Variants in BMPR1B observed in about 807,000 individuals in gnomAD.
The protein encoded by BMPR1B is bone morphogenetic protein receptor type 1B, also known as bone morphogenetic protein receptor type-1B.
In BMPR1B, 12 loss-of-function variants were observed where a neutral mutation model predicts 59.1. The ratio of observed to expected loss-of-function variants is 0.20; its 90% confidence interval spans 0.13 to 0.33. The LOEUF (loss-of-function observed/expected upper bound fraction) is 0.33. Ranked by LOEUF, BMPR1B falls within the 10% of genes least tolerant of loss-of-function variation. The pLI, the probability that BMPR1B is intolerant of heterozygous loss-of-function variation, is 1.00. For missense variants in BMPR1B, 550 were observed against 610.9 expected (o/e 0.90, Z 1.05); for synonymous variants, 237 against 207.3 (o/e 1.14, Z -1.23).
At chr4:95,037,494 A>G (rs891386016) in intron 3 of BMPR1B, among the ~76,000 whole-genome samples, 2 of 152,194 alleles carry the variant, frequency 1.3e-5, no homozygotes, top group Admixed American at 1.3e-4. Context: ...ATAGTCCCTC[A>G]TCATGAAAAC....
chr4:94,970,239 T>TTCTTCTCTTCTCTTCTCTTCTCTTC lies in BMPR1B; in HGVS notation c.-112-25759_-112-25735dup, dbSNP rs10591546. Among the ~76,000 whole-genome samples, 101 of 127,430 alleles carry TTCTTCTCTTCTCTTCTCTTCTCTTC rather than the reference T, an allele frequency of 7.9e-4. 1 individual carries two copies. Among genetic ancestry groups the TTCTTCTCTTCTCTTCTCTTCTCTTC allele is most frequent in the Admixed American group, 2.1e-3 (26 of 12,200 alleles). The allele number at this position is 127,430 out of a possible 152,430, so 83.6% of individuals were successfully genotyped here. A position where few individuals can be genotyped will look rare whatever the true frequency, so the allele number is the denominator to read the frequency against. ...AAGATCTTACTTCAGCTGTTTGTTT[T>TTCTTCTCTTCTCTTCTCTTCTCTTC]TCTTCTCTTCTCTTCTCTTCTCTTC... is the stretch of plus-strand genomic sequence containing the variant. On this transcript the variant is annotated intron_variant, in intron 2 of 12. Coordinates refer to ENST00000515059, the MANE Select transcript of BMPR1B (RefSeq NM_001203.3).
At chr4:94,979,168 G>C (rs929335377) in intron 2 of BMPR1B, among the ~76,000 whole-genome samples, 1 of 152,064 alleles carries the variant, frequency 6.6e-6, no homozygotes, top group African/African-American at 2.4e-5. Flanking sequence ...GATTATGAGA[G>C]CTACAGTTCA....
intron 2 of BMPR1B, among the ~76,000 whole-genome samples, chr4:94,885,430 A>G (rs1378919416): frequency 2.0e-5 from 3 of 152,224 alleles, no homozygotes; most frequent in East Asian, 3.9e-4. Flanking sequence ...ATAGAATGGT[A>G]GAGTTTGGAC....
intron 1 of BMPR1B, among the ~76,000 whole-genome samples, chr4:94,861,476 T>C (rs934715204): frequency 1.3e-5 from 2 of 152,152 alleles, no homozygotes; most frequent in African/African-American, 4.8e-5. Flanking sequence ...ATTCCATCCA[T>C]CCTCTGCAAG....
chr4:94,878,405 G>T (rs1560528788), intron 2 of BMPR1B, among the ~76,000 whole-genome samples: 1 of 152,192 alleles, frequency 6.6e-6, no homozygotes, highest in Non-Finnish European at 1.5e-5. Flanking sequence ...ATTTTTATAG[G>T]CTGGAAAGGG....
At chr4:94,882,337 G>A (rs1172995834) in intron 2 of BMPR1B, among the ~76,000 whole-genome samples, 1 of 152,180 alleles carries the variant, frequency 6.6e-6, no homozygotes, top group African/African-American at 2.4e-5. Flanking sequence ...ATGGGAACAA[G>A]TATAGCTTTG....
At chr4:94,814,159 C>T (rs560375241) in intron 1 of BMPR1B, among the ~76,000 whole-genome samples, 1 of 152,300 alleles carries the variant, frequency 6.6e-6, no homozygotes, top group South Asian at 2.1e-4. Flanking sequence ...AAGATTATAA[C>T]ACTTTAGCAT....
intron 3 of BMPR1B, among the ~76,000 whole-genome samples, chr4:95,095,642 G>GA (rs1730316273): frequency 6.6e-6 from 1 of 152,078 alleles, no homozygotes; most frequent in South Asian, 2.1e-4. Flanking sequence ...AAAGATAAAG[G>GA]AAGATAGATT....
intron 2 of BMPR1B, among the ~76,000 whole-genome samples, chr4:94,880,213 A>G (rs1050955640): frequency 7.2e-5 from 11 of 152,210 alleles, no homozygotes; most frequent in African/African-American, 2.7e-4. Flanking sequence ...TCATTCAAGA[A>G]TTGGCAGAGT....
At chr4:95,037,198 A>G (rs898945287) in intron 3 of BMPR1B, among the ~76,000 whole-genome samples, 5 of 152,112 alleles carry the variant, frequency 3.3e-5, no homozygotes, top group African/African-American at 1.2e-4. Context: ...ATGCCCAACA[A>G]ATAGGATGGG....
chr4:95,145,135 AGAAAT>A (rs1404622598), intron 10 of BMPR1B, among the ~76,000 whole-genome samples: 1 of 152,258 alleles, frequency 6.6e-6, no homozygotes, highest in Non-Finnish European at 1.5e-5. Context: ...TCTTTTTAAA[AGAAAT>A]AAAATGTTGA....
chr4:94,779,043 T>A (rs1560480453), intron 1 of BMPR1B, among the ~76,000 whole-genome samples: 1 of 152,198 alleles, frequency 6.6e-6, no homozygotes, highest in East Asian at 1.9e-4. Flanking sequence ...AAATTTTTCA[T>A]TCTTTTAATT....
In BMPR1B at chr4:94,837,560, G is replaced by A. The variant is rs1724874550; in HGVS notation, c.-182-38271G>A. Among the ~76,000 whole-genome samples the A allele has an allele frequency of 2.1e-5, 3 of 144,540 alleles. 1 individual carries two copies. The South Asian group carries it at 6.8e-4, about 33-fold the overall frequency. 94.8% of individuals were successfully genotyped at this position (144,540 alleles called of 152,430 possible). ...TCTCTCATGATTTGGCTCTCTGTTT[G>A]TCTGTTGTTGGTGTATAAGAATGCT... On this transcript the variant is annotated intron_variant, in intron 1 of 12. Transcript: ENST00000515059.
intron 2 of BMPR1B, among the ~76,000 whole-genome samples, chr4:94,913,521 CT>C (rs1728367580): frequency 1.3e-5 from 2 of 152,148 alleles, no homozygotes; most frequent in South Asian, 4.1e-4. Context: ...CTAAACTTTG[CT>C]TTGCTTTCTC....
chr4:95,142,273 A>G (rs1209656265), intron 10 of BMPR1B, among the ~76,000 whole-genome samples: 1 of 152,176 alleles, frequency 6.6e-6, no homozygotes, highest in Non-Finnish European at 1.5e-5. Context: ...AGGGATGTGC[A>G]CAGCCCCTTC....
At chr4:95,060,350 G>T (rs1478386691) in intron 3 of BMPR1B, among the ~76,000 whole-genome samples, 2 of 152,142 alleles carry the variant, frequency 1.3e-5, no homozygotes, top group Non-Finnish European at 2.9e-5. Flanking sequence ...GGGATTTTCA[G>T]ACTTTGTTTC....
intron 3 of BMPR1B, among the ~76,000 whole-genome samples, chr4:95,080,904 A>AT (rs1274739697): frequency 1.3e-5 from 2 of 152,086 alleles, no homozygotes; most frequent in Non-Finnish European, 2.9e-5. Context: ...GTATAATAAA[A>AT]TTTTTCAGCA....
intron 1 of BMPR1B, among the ~76,000 whole-genome samples, chr4:94,764,664 C>T (rs554963488): frequency 6.6e-6 from 1 of 152,286 alleles, no homozygotes; most frequent in African/African-American, 2.4e-5. Context: ...CATCTGCTTT[C>T]CACCCCAAAT....
intron 6 of BMPR1B, among the ~76,000 whole-genome samples, chr4:95,116,421 G>GCGCGCACGCACACACACACACACACA: frequency 6.5e-5 from 8 of 123,198 alleles, no homozygotes; most frequent in African/African-American, 2.9e-4. Context: ...TTCAGCGCGC[G>GCGCGCACGCACACACACACACACACA]CACACACACA....
Sources: allele counts gnomAD v4.1 joint callset (sites outside exome capture counted in the v4.1 genomes callset), GRCh38; gene constraint gnomAD v4.1.1; transcripts MANE v1.5; gene names NCBI Gene and HGNC (gene_info 2026-07-23, HGNC 2026-07-21).